Variants in RP1 observed in about 807,000 individuals in gnomAD.
RP1 encodes oxygen-regulated protein 1.
Under a neutral mutation model 14.8 loss-of-function variants are expected in RP1, and 16 were observed. That is an observed-to-expected ratio of 1.08 (90% CI 0.73 to 1.65). The LOEUF (loss-of-function observed/expected upper bound fraction) is 1.65, where lower values mean the gene tolerates loss of function less well. Among genes scored for constraint, RP1 ranks in the 40% most tolerant of loss-of-function variants. The pLI is 0.00. For synonymous variants in RP1, 876 were observed against 883.6 expected (o/e 0.99, Z 0.15); for missense variants, 2,631 against 2,535.0 (o/e 1.04, Z -0.81).
chr8:54,609,887 C>G (rs1335756581), intron 1 of RP1, among the ~76,000 whole-genome samples: 1 of 152,242 alleles, frequency 6.6e-6, no homozygotes, highest in Admixed American at 6.5e-5. Flanking sequence ...GCTCCCTGCT[C>G]TTACCCACAG....
intron 28 of RP1, among the ~76,000 whole-genome samples, chr8:54,867,244 T>G (rs1812478839): frequency 1.3e-5 from 2 of 152,202 alleles, no homozygotes; most frequent in South Asian, 4.1e-4. Flanking sequence ...CCTTTGAAAC[T>G]TAATAAGGAG....
chr8:54,575,461 G>A (rs12682613), intron 1 of RP1, among the ~76,000 whole-genome samples: 1 of 151,956 alleles, frequency 6.6e-6, no homozygotes, highest in Non-Finnish European at 1.5e-5. Context: ...TTTTGATATA[G>A]GCATGCAATG....
chr8:54,762,510 A>G (rs552894139), intron 22 of RP1, among the ~76,000 whole-genome samples: 5 of 152,330 alleles, frequency 3.3e-5, no homozygotes, highest in African/African-American at 1.2e-4. Flanking sequence ...AGATAGGGGT[A>G]TACATCACTG....
intron 6 of RP1, among the ~76,000 whole-genome samples, chr8:54,658,545 C>T (rs1806806857): frequency 9.9e-6 from 1 of 100,672 alleles, no homozygotes; most frequent in African/African-American, 3.6e-5. Flanking sequence ...AGCGAGACTC[C>T]GTCTCAAAAA....
chr8:54,805,586 T>C (rs745735513), intron 24 of RP1, among the ~76,000 whole-genome samples: 3 of 152,214 alleles, frequency 2.0e-5, no homozygotes, highest in Non-Finnish European at 4.4e-5. Context: ...AAAAAGTGAC[T>C]GAGTTTATAC....
At chr8:54,741,290 TACTC>T (rs973993345) in intron 19 of RP1, among the ~76,000 whole-genome samples, 4 of 152,290 alleles carry the variant, frequency 2.6e-5, no homozygotes, top group South Asian at 2.1e-4. Context: ...ACTCACCACT[TACTC>T]ACTGACTCAC....
chr8:54,576,698 A>C (rs1003655999), intron 1 of RP1, among the ~76,000 whole-genome samples: 1 of 152,178 alleles, frequency 6.6e-6, no homozygotes, highest in African/African-American at 2.4e-5. Flanking sequence ...AAAATATTAG[A>C]AGTCTGGAAG....
At chr8:54,612,415 A>G (rs1805620267), upstream of RP1, among the ~76,000 whole-genome samples, 1 of 152,246 alleles carries the variant, frequency 6.6e-6, no homozygotes, top group Non-Finnish European at 1.5e-5. Context: ...GCTGAAATAA[A>G]TGGAAATTAA....
Position 54,660,025 on chromosome 8 carries a change from T to A in RP1, c.1172-3674T>A, listed in dbSNP as rs1380175317. On this transcript the variant is annotated intron_variant, in intron 6 of 22. Coordinates refer to the RP1 transcript ENST00000636932. ...TTCTTTTTGTATTATTCTTTGTTAG[T>A]ATATAGTAACGCAGCTGCTTTTTGA... 1.3e-5 allele frequency among the ~76,000 whole-genome samples: 2 copies of A among 152,158 alleles called. 1 individual carries two copies. Among genetic ancestry groups the A allele is most frequent in the East Asian group, 3.8e-4 (2 of 5,198 alleles).
intron 19 of RP1, among the ~76,000 whole-genome samples, chr8:54,749,482 C>A (rs550174623): frequency 6.6e-6 from 1 of 152,122 alleles, no homozygotes; most frequent in Non-Finnish European, 1.5e-5. Flanking sequence ...GTCTTCTGGC[C>A]ATAGTGATGA....
At chr8:54,812,357 T>C in intron 24 of RP1, among the ~76,000 whole-genome samples, 1 of 152,214 alleles carries the variant, frequency 6.6e-6, no homozygotes, top group Admixed American at 6.5e-5. Context: ...ACCAGGCTGG[T>C]CTCGAACTCC....
At chr8:54,636,557 G>A (rs1806349440) in intron 3 of RP1, among the ~76,000 whole-genome samples, 1 of 152,182 alleles carries the variant, frequency 6.6e-6, no homozygotes, top group South Asian at 2.1e-4. Flanking sequence ...GGCCAACATG[G>A]TGAAACCCGT....
chr8:54,722,095 T>C (rs1234900790), intron 16 of RP1, among the ~76,000 whole-genome samples: 1 of 151,632 alleles, frequency 6.6e-6, no homozygotes, highest in Non-Finnish European at 1.5e-5. Context: ...ATACAAAAAT[T>C]AGCTGGTCGT....
intron 12 of RP1, among the ~76,000 whole-genome samples, chr8:54,690,085 G>T (rs1293290336): frequency 1.3e-5 from 2 of 151,894 alleles, no homozygotes; most frequent in African/African-American, 2.4e-5. Flanking sequence ...AAATTATTTT[G>T]CTGGTTGTTC....
intron 28 of RP1, among the ~76,000 whole-genome samples, chr8:54,869,432 G>T (rs1812531241): frequency 6.6e-6 from 1 of 151,968 alleles, no homozygotes; most frequent in African/African-American, 2.4e-5. Flanking sequence ...TCCATATATG[G>T]TTTGTATTCT....
chr8:54,730,218 C>A (rs1808760520), intron 17 of RP1, among the ~76,000 whole-genome samples: 1 of 152,030 alleles, frequency 6.6e-6, no homozygotes, highest in Non-Finnish European at 1.5e-5. Context: ...AAGTCAATAT[C>A]TTCTTCTATA....
At position 54,622,125 on chromosome 8, in the gene RP1, C is replaced by A; in HGVS notation, c.624C>A (p.Ser208Arg). The A allele has an allele frequency of 6.2e-7, 1 of 1,614,110 alleles. No homozygotes were observed. The highest frequency in any genetic ancestry group is 8.5e-7 in the Non-Finnish European group (1 of 1,180,006). The change falls in exon 3 of 4, where the codon AGC (serine) becomes AGA (arginine). Residue 208 changes from serine to arginine, a missense_variant. By Grantham distance (110) the Ser-to-Arg change is moderately radical (BLOSUM62 -1). Coordinates refer to ENST00000220676, the MANE Select transcript of RP1 (RefSeq NM_006269.2). ...ACTCTGGTCTCTTTTAGGTTCCCAG[C>A]CTCCAGGCAGTGATCCTGAGCTCTG... ...LYATDGRRVP[S>R]LQAVILSSGA...
At chr8:54,651,746 C>G (rs1191749687) in intron 4 of RP1, among the ~76,000 whole-genome samples, 1 of 151,962 alleles carries the variant, frequency 6.6e-6, no homozygotes, top group African/African-American at 2.4e-5. Flanking sequence ...TTTTGTTTAT[C>G]AGTCTATCTC....
chr8:54,654,414 G>C (rs751175597), intron 5 of RP1, among the ~76,000 whole-genome samples: 1 of 151,966 alleles, frequency 6.6e-6, no homozygotes, highest in Non-Finnish European at 1.5e-5. Context: ...CAAAATGTTA[G>C]GTTATTTTCT....
Sources: allele counts gnomAD v4.1 joint callset (sites outside exome capture counted in the v4.1 genomes callset), GRCh38; gene constraint gnomAD v4.1.1; transcripts MANE v1.5; gene names NCBI Gene and HGNC (gene_info 2026-07-23, HGNC 2026-07-21).